The following MCF2L2 variants were observed in gnomAD, a reference collection of about 807,000 sequenced individuals.
The protein encoded by MCF2L2 is MCF.2 cell line derived transforming sequence-like 2, also known as probable guanine nucleotide exchange factor MCF2L2.
Under a neutral mutation model 150.2 loss-of-function variants are expected in MCF2L2, and 102 were observed. The ratio of observed to expected loss-of-function variants is 0.68; its 90% CI spans 0.58 to 0.80. The LOEUF (loss-of-function observed/expected upper bound fraction) is 0.80. MCF2L2 is among the 30% of genes least tolerant of loss of function. The probability of loss-of-function intolerance (pLI) is 0.00; values close to 1 mark genes in which losing one functional copy is unlikely to be tolerated. For missense variants in MCF2L2, 1,256 were observed against 1,372.8 expected, an observed-to-expected ratio of 0.91 and a Z score of 1.34; for synonymous variants, 465 against 491.3, an observed-to-expected ratio of 0.95 and a Z score of 0.71.
At chr3:183,235,203 G>A (rs1723767470) in intron 15 of MCF2L2, among the ~76,000 whole-genome samples, 1 of 89,954 alleles carries the variant, frequency 1.1e-5, no homozygotes, top group Admixed American at 1.2e-4. Context: ...AATCCTTTGG[G>A]TATATACCCA....
At chr3:183,183,386 T>C (rs1301021093) in intron 27 of MCF2L2, among the ~76,000 whole-genome samples, 1 of 152,196 alleles carries the variant, frequency 6.6e-6, no homozygotes, top group Non-Finnish European at 1.5e-5. Flanking sequence ...CTAAGAGTCT[T>C]AGGCACTAAG....
In MCF2L2 at chr3:183,267,066, G is replaced by A. The variant is rs985263219; in HGVS notation, c.1862+9806C>T. ...CTCCCAAAGCGCTAGGATTACAGGCGTGAGCCACCATGGCCGGCCTTCAGC... is the reference window on the plus strand; with the variant it reads ...CTCCCAAAGCGCTAGGATTACAGGCATGAGCCACCATGGCCGGCCTTCAGC... On this transcript the variant is annotated intron_variant, in intron 15 of 29. Coordinates refer to ENST00000328913, the MANE Select transcript of MCF2L2 (RefSeq NM_015078.4). The surrounding 1 kb of genome is among the most constrained non-coding windows in gnomAD (Gnocchi z 5.5). 1.3e-5 allele frequency among the ~76,000 whole-genome samples: 2 copies of A among 152,152 alleles called. No individual in the cohort carries two copies. The highest frequency in any genetic ancestry group is 2.4e-5 in the African/African-American group (1 of 41,436).
intron 15 of MCF2L2, among the ~76,000 whole-genome samples, chr3:183,261,551 C>G (rs1205443371): frequency 6.6e-6 from 1 of 152,074 alleles, no homozygotes; most frequent in Non-Finnish European, 1.5e-5. Flanking sequence ...CTTATATAGT[C>G]TACTTTCTAA....
intron 13 of MCF2L2, among the ~76,000 whole-genome samples, chr3:183,291,684 G>A (rs1728156435): frequency 6.6e-6 from 1 of 152,196 alleles, no homozygotes; most frequent in African/African-American, 2.4e-5. Flanking sequence ...AATCCTTTTA[G>A]TGACTTGCTG....
chr3:183,314,041 G>C (rs1325795871), intron 7 of MCF2L2, among the ~76,000 whole-genome samples: 3 of 152,190 alleles, frequency 2.0e-5, no homozygotes, highest in African/African-American at 7.2e-5. Flanking sequence ...CACTCATCAG[G>C]AGCTGAGCTC....
intron 13 of MCF2L2, 117 bp from the exon 14 acceptor site, chr3:183,289,337 T>C: frequency 1.5e-6 from 1 of 665,992 alleles, no homozygotes; most frequent in Non-Finnish European, 2.6e-6. Flanking sequence ...AAAAGCTCAC[T>C]TGAGCTGCTG....
At position 183,289,920 on chromosome 3, in the gene MCF2L2, CTT is replaced by C. The variant is rs898326983; in HGVS notation, c.1676-702_1676-701del. ...CTCATGAAGTCTTCCATATTACAAA[CTT>C]TATGGATTCTTTTATGCACTGCTGC... On this transcript the variant is annotated intron_variant, in intron 13 of 29. Transcript: ENST00000328913. Among the ~76,000 whole-genome samples, 32 of 152,296 alleles carry C rather than the reference CTT, an allele frequency of 2.1e-4. No individual in the cohort carries two copies. The East Asian group carries it at 5.4e-3, about 26-fold the overall frequency.
At position 183,296,967 on chromosome 3, in the gene MCF2L2, AAGC is replaced by A; in HGVS notation, c.1497+6_1497+8del. On this transcript the variant is annotated splice_donor_region_variant and intron_variant, in intron 12 of 29. Coordinates refer to ENST00000328913, the MANE Select transcript of MCF2L2 (RefSeq NM_015078.4). The stretch of plus-strand genomic sequence containing the variant: ...CAACCACAGGATCAAAATAACCCGG[AAGC>A]ATTACCTTTGCATCGAGGGTGAGCA... 1 of 1,610,576 alleles carries A rather than the reference AAGC, an allele frequency of 6.2e-7. No homozygotes were observed. Among genetic ancestry groups the A allele is most frequent in the Non-Finnish European group, 8.5e-7 (1 of 1,177,728 alleles).
At chr3:183,400,025 A>AGTATAC (rs1714656589) in intron 1 of MCF2L2, among the ~76,000 whole-genome samples, 1 of 152,246 alleles carries the variant, frequency 6.6e-6, no homozygotes, top group Non-Finnish European at 1.5e-5. Context: ...TATTCAGTGC[A>AGTATAC]CATATATGTA....
intron 27 of MCF2L2, among the ~76,000 whole-genome samples, chr3:183,192,295 C>T (rs1256508670): frequency 2.0e-5 from 3 of 152,034 alleles, no homozygotes; most frequent in Non-Finnish European, 4.4e-5. Flanking sequence ...CACACCACCA[C>T]GCCCGGCTGA....
intron 5 of MCF2L2, among the ~76,000 whole-genome samples, chr3:183,335,702 T>TA (rs113570971): frequency 0.26 from 39,154 of 151,326 alleles, 7,293 homozygotes; most frequent in African/African-American, 0.53. Flanking sequence ...ACCCCCTCTC[T>TA]AAAAAAAATT....
In MCF2L2 at chr3:183,289,208, C is replaced by T. The variant is rs560115451; in HGVS notation, c.1688G>A (p.Arg563His). Residue 563 changes from arginine to histidine, a missense_variant, in exon 14 of 30, where the codon CGT (arginine) becomes CAT (histidine). By Grantham distance (29) the Arg-to-His change is conservative. Coordinates refer to ENST00000328913, the MANE Select transcript of MCF2L2 (RefSeq NM_015078.4). ...SQPSTSVPLARPLRTSEEPYT... is the reference protein window; with the variant it reads ...SQPSTSVPLAHPLRTSEEPYT... ...AGGTTCCTCAGACGTTCTCAGAGGA[C>T]GAGCTAGAGGGACTAAGAGAACCTG... 2.9e-5 allele frequency: 47 copies of T among 1,611,894 alleles called. No individual in the cohort carries two copies. The highest frequency in any genetic ancestry group is 6.6e-5 in the South Asian group (6 of 90,910).
intron 20 of MCF2L2, among the ~76,000 whole-genome samples, chr3:183,220,595 G>T (rs925346846): frequency 1.3e-5 from 2 of 152,048 alleles, no homozygotes; most frequent in African/African-American, 4.8e-5. Flanking sequence ...GAGTTTTGAG[G>T]CATATTTCCA....
At chr3:183,330,688 A>T (rs894091570) in intron 5 of MCF2L2, among the ~76,000 whole-genome samples, 1 of 151,874 alleles carries the variant, frequency 6.6e-6, no homozygotes, top group Non-Finnish European at 1.5e-5. Context: ...GTTTCCCCAC[A>T]TTTTTTTTCT....
intron 15 of MCF2L2, among the ~76,000 whole-genome samples, chr3:183,249,784 CACTGTACTACGGATGGGATTCTTGGA>C (rs1191618309): frequency 6.6e-6 from 1 of 152,188 alleles, no homozygotes; most frequent in African/African-American, 2.4e-5. Context: ...TACACAGGGC[CACTGTACTACGGATGGGATTCTTGGA>C]ACAAAAGTTT....
At chr3:183,188,854 G>C (rs1344636634) in intron 27 of MCF2L2, among the ~76,000 whole-genome samples, 1 of 152,104 alleles carries the variant, frequency 6.6e-6, no homozygotes, top group Non-Finnish European at 1.5e-5. Context: ...TGTAATCCCA[G>C]CTACTCGGAA....
At chr3:183,393,355 G>A (rs897091187) in intron 1 of MCF2L2, among the ~76,000 whole-genome samples, 1 of 151,836 alleles carries the variant, frequency 6.6e-6, no homozygotes, top group African/African-American at 2.4e-5. Flanking sequence ...CACCACGCCC[G>A]GCTAATTTTG....
intron 10 of MCF2L2, among the ~76,000 whole-genome samples, chr3:183,303,960 A>G (rs999914234): frequency 2.6e-5 from 4 of 152,078 alleles, no homozygotes; most frequent in African/African-American, 9.7e-5. Context: ...TGCTGCAACC[A>G]TACTAATTAT....
At chr3:183,203,423 A>G (rs1404117590) in intron 25 of MCF2L2, among the ~76,000 whole-genome samples, 1 of 152,224 alleles carries the variant, frequency 6.6e-6, no homozygotes, top group Non-Finnish European at 1.5e-5. Context: ...CTAGATTTCA[A>G]AAGTATAATA....
Sources: gnomAD v4.1 joint callset for allele counts (sites outside exome capture counted in the v4.1 genomes callset) on GRCh38, gnomAD v4.1.1 for gene constraint, Gnocchi (gnomAD v3.1) non-coding constraint, MANE v1.5 for transcripts, NCBI Gene and HGNC (gene_info 2026-07-23, HGNC 2026-07-21) for gene names.